The following TBC1D8 variants were observed in gnomAD, a reference collection of about 807,000 sequenced individuals.
TBC1D8 encodes the protein BUB2-like protein 1.
In TBC1D8, 65 loss-of-function variants were observed where a neutral mutation model predicts 118.8. The ratio of observed to expected loss-of-function variants is 0.55; its 90% CI spans 0.45 to 0.67. The LOEUF is 0.67. Among genes scored for constraint, TBC1D8 ranks in the 30% least tolerant of loss-of-function variants. The probability of loss-of-function intolerance (pLI) is 0.00; values close to 1 mark genes in which losing one functional copy is unlikely to be tolerated. For missense variants in TBC1D8, 1,376 were observed against 1,471.2 expected, an observed-to-expected ratio of 0.94 and a Z score of 1.06; for synonymous variants, 566 against 595.8, an observed-to-expected ratio of 0.95 and a Z score of 0.73.
chr2:101,109,309 A>G (rs564686226), intron 1 of TBC1D8, among the ~76,000 whole-genome samples: 1 of 152,310 alleles, frequency 6.6e-6, no homozygotes, highest in East Asian at 1.9e-4. Flanking sequence ...ACGGGTGAGA[A>G]AAGAAAACTC....
chr2:101,123,741 G>T (rs1489793288), intron 1 of TBC1D8, among the ~76,000 whole-genome samples: 2 of 152,088 alleles, frequency 1.3e-5, no homozygotes, highest in Non-Finnish European at 2.9e-5. Flanking sequence ...GTTTTGTTGG[G>T]GCTATACTTA....
chr2:101,036,064 C>T lies in TBC1D8; in HGVS notation c.1557G>A (p.Met519Ile), dbSNP rs778062606. The part of the protein sequence containing the change: ...RTEKIRKLVA[M>I]GIPESLRGRL... ...TCCCTCGCAAAGATTCAGGGATGCC[C>T]ATGGCTACGAGCTTCCGAATCTTCT... is the stretch of plus-strand genomic sequence containing the variant. The change falls in exon 9 of 20, where the codon ATG becomes ATA. Residue 519 changes from methionine to isoleucine, a missense_variant. Met to Ile is a conservative substitution (Grantham distance 10). Transcript: ENST00000409318. The T allele has an allele frequency of 6.2e-7, 1 of 1,613,992 alleles. No homozygotes were observed. The highest frequency in any genetic ancestry group is 1.1e-5 in the South Asian group (1 of 91,080).
intron 1 of TBC1D8, among the ~76,000 whole-genome samples, chr2:101,146,058 A>ATT (rs61104655): frequency 0.65 from 98,485 of 151,874 alleles, 32,391 homozygotes; most frequent in African/African-American, 0.76. Context: ...TATACTGTTT[A>ATT]TTAATTCTAA....
intron 15 of TBC1D8, among the ~76,000 whole-genome samples, chr2:101,026,798 G>C (rs998844200): frequency 3.3e-5 from 5 of 152,136 alleles, no homozygotes; most frequent in Middle Eastern, 3.2e-3. Context: ...ATGATTCCAG[G>C]TAAATATCCA....
chr2:101,080,193 C>G (rs556168029), intron 2 of TBC1D8, among the ~76,000 whole-genome samples: 1 of 152,128 alleles, frequency 6.6e-6, no homozygotes, highest in South Asian at 2.1e-4. Flanking sequence ...GACAGTAACT[C>G]CATAATAGAA....
At chr2:101,140,446 C>T (rs1679052806) in intron 1 of TBC1D8, among the ~76,000 whole-genome samples, 1 of 152,100 alleles carries the variant, frequency 6.6e-6, no homozygotes, top group Non-Finnish European at 1.5e-5. Flanking sequence ...CACAGGCGTC[C>T]GGGGAAAATC....
At chr2:101,013,865 TTA>T (rs1679419032) in intron 17 of TBC1D8, among the ~76,000 whole-genome samples, 1 of 152,244 alleles carries the variant, frequency 6.6e-6, no homozygotes, top group Admixed American at 6.5e-5. Flanking sequence ...TCCACCATGC[TTA>T]TTTTGCAAAA....
At chr2:101,090,457 T>C in intron 1 of TBC1D8, 93 bp from the exon 2 acceptor site, 1 of 1,372,814 alleles carries the variant, frequency 7.3e-7, no homozygotes, top group Non-Finnish European at 1.0e-6. Flanking sequence ...CTGGACTCCA[T>C]GCTGGGGTAG....
At chr2:101,083,162 T>G (rs1232018407) in intron 2 of TBC1D8, among the ~76,000 whole-genome samples, 1 of 152,086 alleles carries the variant, frequency 6.6e-6, no homozygotes, top group Non-Finnish European at 1.5e-5. Context: ...ACTCCCCTCC[T>G]TCTCTCCCAT....
At chr2:101,023,126 C>A (rs1032313109) in intron 15 of TBC1D8, among the ~76,000 whole-genome samples, 8 of 144,924 alleles carry the variant, frequency 5.5e-5, no homozygotes, top group Non-Finnish European at 1.5e-5. Flanking sequence ...GCCTGGGCAA[C>A]AGAGCGTTTT....
intron 1 of TBC1D8, among the ~76,000 whole-genome samples, chr2:101,098,218 C>A (rs533588376): frequency 6.6e-6 from 1 of 152,150 alleles, no homozygotes; most frequent in South Asian, 2.1e-4. Context: ...CATGGTGAAA[C>A]CCCATTTCTA....
At chr2:101,032,567 G>A in intron 10 of TBC1D8, 182 bp from the exon 11 acceptor site, 1 of 549,672 alleles carries the variant, frequency 1.8e-6, no homozygotes, top group Non-Finnish European at 3.3e-6. Flanking sequence ...GTCCTCACAG[G>A]ACACGCCCAG....
chr2:101,028,620 G>T, intron 12 of TBC1D8, 188 bp from the exon 13 acceptor site: 1 of 763,174 alleles, frequency 1.3e-6, no homozygotes, highest in East Asian at 2.8e-5. Context: ...TTGTGGATTG[G>T]GCTCCACAGG....
intron 2 of TBC1D8, among the ~76,000 whole-genome samples, chr2:101,074,349 A>G (rs1674665010): frequency 6.6e-6 from 1 of 152,260 alleles, no homozygotes; most frequent in Non-Finnish European, 1.5e-5. Flanking sequence ...CACTGATAAC[A>G]GATCACCATT....
chr2:101,142,110 C>T (rs1299180172), intron 1 of TBC1D8, among the ~76,000 whole-genome samples: 4 of 152,176 alleles, frequency 2.6e-5, no homozygotes, highest in Non-Finnish European at 4.4e-5. Context: ...CTATGTTGCC[C>T]AGGCTGGACT....
chr2:101,143,670 T>C (rs1679208118), intron 1 of TBC1D8, among the ~76,000 whole-genome samples: 1 of 151,890 alleles, frequency 6.6e-6, no homozygotes, highest in African/African-American at 2.4e-5. Context: ...GGTGATTCTT[T>C]CACCTCAGCC....
At chr2:101,029,953 A>G in intron 11 of TBC1D8, 177 bp from the exon 12 acceptor site, 1 of 600,296 alleles carries the variant, frequency 1.7e-6, no homozygotes, top group East Asian at 2.8e-5. Context: ...AATGGGTAAA[A>G]GATAGCCTTT....
At chr2:101,131,707 C>T (rs1465908350) in intron 1 of TBC1D8, among the ~76,000 whole-genome samples, 1 of 151,720 alleles carries the variant, frequency 6.6e-6, no homozygotes, top group Non-Finnish European at 1.5e-5. Context: ...CCCAGCTACT[C>T]GGGAGGCTAA....
chr2:101,010,910 C>A lies in TBC1D8; in HGVS notation c.3015+19G>T. 1 of 1,580,308 alleles carries A rather than the reference C, an allele frequency of 6.3e-7. No individual in the cohort carries two copies. Among genetic ancestry groups the A allele is most frequent in the South Asian group, 1.1e-5 (1 of 89,738 alleles). On this transcript the variant is annotated intron_variant, in intron 19 of 19. Coordinates refer to ENST00000409318, the MANE Select transcript of TBC1D8 (RefSeq NM_001330348.2). ...AAAAAAAAAAAAAGTTAATTCTCTGCACTGAAGAAAGTCCATACCTGGCTC... is the reference window on the plus strand; with the variant it reads ...AAAAAAAAAAAAAGTTAATTCTCTGAACTGAAGAAAGTCCATACCTGGCTC...
Sources: gnomAD v4.1 joint callset for allele counts (sites outside exome capture counted in the v4.1 genomes callset) on GRCh38, gnomAD v4.1.1 for gene constraint, MANE v1.5 for transcripts, NCBI Gene and HGNC (gene_info 2026-07-23, HGNC 2026-07-21) for gene names.